Variants in GSDMC observed in about 807,000 individuals in gnomAD.
GSDMC encodes the protein gasdermin C, also known as gasdermin-C.
A neutral mutation model predicts 58.0 loss-of-function variants in GSDMC; 59 were observed. That is an observed-to-expected ratio of 1.02 (90% CI 0.82 to 1.26). GSDMC has a LOEUF of 1.26. Ranked by LOEUF, GSDMC falls within the 50% of genes most tolerant of loss-of-function variation. The probability of loss-of-function intolerance (pLI) is 0.00; values close to 1 mark genes in which losing one functional copy is unlikely to be tolerated. For synonymous variants in GSDMC, 241 were observed against 220.2 expected (o/e 1.09, Z -0.83); for missense variants, 659 against 598.5 (o/e 1.10, Z -1.06).
At chr8:129,722,922 A>G in the GSDMC span, 295 of 152,334 alleles carry the variant, frequency 1.9e-3, 1 homozygote, top group African/African-American at 6.7e-3. Context: ...TCTAAAATTG[A>G]TAGATTCTAA....
At chr8:129,710,084 G>A in the GSDMC span, among the ~76,000 whole-genome samples, 1 of 152,208 alleles carries the variant, frequency 6.6e-6, no homozygotes, top group Non-Finnish European at 1.5e-5. Flanking sequence ...AATGATAAAT[G>A]AAGTAAATAC....
In GSDMC at chr8:129,751,583, A is replaced by G; in HGVS notation, c.917-15T>C. 6.2e-7 allele frequency: 1 copy of G among 1,611,506 alleles called. No individual in the cohort carries two copies. Among genetic ancestry groups the G allele is most frequent in the South Asian group, 1.1e-5 (1 of 90,930 alleles). ...CTCTATTCTTCCTAGAAGGAGAATC[A>G]AGTCATCATCTCACTTCCTCATCCC... On this transcript the variant is annotated splice_polypyrimidine_tract_variant and intron_variant, in intron 9 of 13. Transcript: ENST00000276708.
the GSDMC span, among the ~76,000 whole-genome samples, chr8:129,726,999 T>TACAC: frequency 0.47 from 44,084 of 92,854 alleles, 8,053 homozygotes; most frequent in South Asian, 0.53. Context: ...CCAATACACA[T>TACAC]ACACACACAC....
intron 13 of GSDMC, among the ~76,000 whole-genome samples, chr8:129,748,972 A>C (rs1366906182): frequency 6.6e-6 from 1 of 152,186 alleles, no homozygotes; most frequent in Non-Finnish European, 1.5e-5. Context: ...CTCCCCTTGT[A>C]GAATAGTGGT....
chr8:129,769,785 C>T (rs1392219998), intron 3 of GSDMC, among the ~76,000 whole-genome samples: 1 of 152,018 alleles, frequency 6.6e-6, no homozygotes, highest in African/African-American at 2.4e-5. Context: ...AACTGCCAAA[C>T]AAGAATAAAA....
At chr8:129,719,774 G>A in the GSDMC span, among the ~76,000 whole-genome samples, 3 of 151,982 alleles carry the variant, frequency 2.0e-5, no homozygotes, top group Non-Finnish European at 2.9e-5. Flanking sequence ...GTGAAACCCC[G>A]TCTCTACTAA....
chr8:129,783,626 T>A (rs972889429), intron 1 of GSDMC, among the ~76,000 whole-genome samples: 1 of 152,176 alleles, frequency 6.6e-6, no homozygotes, highest in African/African-American at 2.4e-5. Context: ...TCCATGTTCA[T>A]AGATTGGAAG....
chr8:129,757,677 C>T (rs558795981), intron 6 of GSDMC, among the ~76,000 whole-genome samples: 11 of 152,106 alleles, frequency 7.2e-5, no homozygotes, highest in South Asian at 2.1e-4. Context: ...ACTAGCAAAC[C>T]GAATTCAATG....
At chr8:129,741,519 T>C in the GSDMC span, among the ~76,000 whole-genome samples, 1 of 152,090 alleles carries the variant, frequency 6.6e-6, no homozygotes, top group East Asian at 1.9e-4. Flanking sequence ...ATTGTTGTCA[T>C]CAATGCTCAA....
intron 3 of GSDMC, among the ~76,000 whole-genome samples, chr8:129,773,799 A>G (rs1453307253): frequency 6.6e-6 from 1 of 151,812 alleles, no homozygotes; most frequent in African/African-American, 2.4e-5. Context: ...AAAAAAAAAA[A>G]AAAGTCCGTT....
At chr8:129,724,824 G>T in the GSDMC span, among the ~76,000 whole-genome samples, 1 of 152,086 alleles carries the variant, frequency 6.6e-6, no homozygotes, top group South Asian at 2.1e-4. Flanking sequence ...CCTATAGAAG[G>T]AATACAGGGC....
chr8:129,782,873 C>T (rs918694443), intron 1 of GSDMC, among the ~76,000 whole-genome samples: 1 of 151,444 alleles, frequency 6.6e-6, no homozygotes, highest in Non-Finnish European at 1.5e-5. Context: ...GCCAATATTA[C>T]CCTAATAAAA....
intron 7 of GSDMC, 123 bp from the exon 8 acceptor site, chr8:129,752,270 T>G (rs2033237973): frequency 5.1e-6 from 4 of 781,380 alleles, no homozygotes; most frequent in Non-Finnish European, 8.7e-6. Flanking sequence ...TTCTCACATG[T>G]TCCATCAGTT....
intron 6 of GSDMC, among the ~76,000 whole-genome samples, chr8:129,758,444 A>T (rs1265428161): frequency 6.6e-6 from 1 of 152,202 alleles, no homozygotes; most frequent in African/African-American, 2.4e-5. Context: ...TTCGCAGATG[A>T]TATGATCTTA....
intron 1 of GSDMC, among the ~76,000 whole-genome samples, chr8:129,783,937 A>G (rs2034486417): frequency 6.6e-6 from 1 of 152,134 alleles, no homozygotes; most frequent in Non-Finnish European, 1.5e-5. Flanking sequence ...AAACAAATCC[A>G]TATACCTACA....
chr8:129,777,058 C>G (rs1278020934), intron 2 of GSDMC, among the ~76,000 whole-genome samples: 1 of 152,166 alleles, frequency 6.6e-6, no homozygotes, highest in African/African-American at 2.4e-5. Flanking sequence ...GCATGAGCCA[C>G]AGTGCCCAGC....
chr8:129,745,597 T>C (rs1038652920), downstream of GSDMC, among the ~76,000 whole-genome samples: 3 of 152,084 alleles, frequency 2.0e-5, no homozygotes, highest in African/African-American at 7.3e-5. Flanking sequence ...CATTTATTTA[T>C]TTTCTCTTTT....
rs1312450523 is a variant in GSDMC, at chr8:129,750,426, C to T, written c.1083+5G>A. On this transcript the variant is annotated splice_donor_5th_base_variant and intron_variant, in intron 11 of 13. Coordinates refer to ENST00000276708, the MANE Select transcript of GSDMC (RefSeq NM_031415.3). The stretch of plus-strand genomic sequence containing the variant: ...CCAGACCTATGCAACTGTGGAGCCC[C>T]TCACCATGTTCATCAGGTCCTGTAG... The T allele has an allele frequency of 6.2e-7, 1 of 1,612,710 alleles. No individual in the cohort carries two copies. Among genetic ancestry groups the T allele is most frequent in the Non-Finnish European group, 8.5e-7 (1 of 1,179,522 alleles).
the GSDMC span, among the ~76,000 whole-genome samples, chr8:129,717,300 A>G: frequency 1.5e-5 from 2 of 136,542 alleles, no homozygotes; most frequent in African/African-American, 5.6e-5. Flanking sequence ...TACTGCCTCA[A>G]TTTCAGAACT....
Sources: gnomAD v4.1 joint callset for allele counts (sites outside exome capture counted in the v4.1 genomes callset) on GRCh38, gnomAD v4.1.1 for gene constraint, MANE v1.5 for transcripts, NCBI Gene and HGNC (gene_info 2026-07-23, HGNC 2026-07-21) for gene names.